The following COL5A2 variants were observed in gnomAD, a reference collection of about 807,000 sequenced individuals.
COL5A2 encodes collagen type V alpha 2 chain.
COL5A2 carries 23 observed loss-of-function variants against 208.2 expected under a neutral mutation model. That is an observed-to-expected ratio of 0.11 (90% confidence interval 0.08 to 0.16). The LOEUF (loss-of-function observed/expected upper bound fraction) is 0.16. Ranked by LOEUF, COL5A2 falls within the 10% of genes least tolerant of loss-of-function variation. The pLI is 1.00. For missense variants in COL5A2, 1,590 were observed against 1,956.4 expected, an observed-to-expected ratio of 0.81 and a Z score of 3.53; for synonymous variants, 625 against 628.5, an observed-to-expected ratio of 0.99 and a Z score of 0.08.
chr2:189,167,869 C>A (rs1688497128), intron 1 of COL5A2, among the ~76,000 whole-genome samples: 1 of 152,008 alleles, frequency 6.6e-6, no homozygotes, highest in Non-Finnish European at 1.5e-5. Context: ...GGCTTGAACA[C>A]CAGCTCCCTG....
At chr2:189,284,069 A>G in the COL5A2 span, among the ~76,000 whole-genome samples, 8 of 152,184 alleles carry the variant, frequency 5.3e-5, no homozygotes, top group African/African-American at 1.9e-4. Context: ...ATATTTATTG[A>G]TATTTATATG....
chr2:189,295,363 G>C, the COL5A2 span, among the ~76,000 whole-genome samples: 4 of 152,190 alleles, frequency 2.6e-5, no homozygotes, highest in African/African-American at 9.7e-5. Flanking sequence ...CAGCACTTTG[G>C]GAGGCCAAGG....
At chr2:189,427,921 A>T in the COL5A2 span, among the ~76,000 whole-genome samples, 1 of 152,154 alleles carries the variant, frequency 6.6e-6, no homozygotes. Context: ...AATTTCTTAC[A>T]TTTGGAATGA....
In COL5A2 at chr2:189,036,686, G is replaced by T. The variant is rs1685450228; in HGVS notation, c.4043C>A (p.Thr1348Asn). ...GTCAGGAGATTTACTGGCCCACCAG[G>T]TTTTACGTGGTACACTGGATGGGTT... ...SANPSSVPRKTWWASKSPDNK... is the reference protein window; with the variant it reads ...SANPSSVPRKNWWASKSPDNK... The change falls in exon 52 of 54, where the codon ACC becomes AAC. Residue 1348 changes from threonine to asparagine, a missense_variant. Transcript: ENST00000374866. 6.2e-7 allele frequency: 1 copy of T among 1,613,782 alleles called. No homozygotes were observed. Among genetic ancestry groups the T allele is most frequent in the East Asian group, 2.2e-5 (1 of 44,856 alleles).
At chr2:189,075,002 C>A (rs1267926788) in intron 17 of COL5A2, among the ~76,000 whole-genome samples, 4 of 152,122 alleles carry the variant, frequency 2.6e-5, no homozygotes, top group Non-Finnish European at 5.9e-5. Flanking sequence ...GTAAGTATAA[C>A]CCTTCATGAT....
chr2:189,305,762 C>G, the COL5A2 span, among the ~76,000 whole-genome samples: 1 of 145,680 alleles, frequency 6.9e-6, no homozygotes, highest in Non-Finnish European at 1.5e-5. Flanking sequence ...TAATTGGCGA[C>G]AAGTTGATTA....
intron 44 of COL5A2, among the ~76,000 whole-genome samples, 155 bp from the exon 45 acceptor site, chr2:189,048,417 C>T (rs553474025): frequency 6.6e-6 from 1 of 152,316 alleles, no homozygotes; most frequent in African/African-American, 2.4e-5. Context: ...GTTTCTACCT[C>T]TTTTTCATTA....
intron 6 of COL5A2, chr2:189,095,080 T>C (rs1420246034): frequency 6.6e-6 from 1 of 150,924 alleles, no homozygotes; most frequent in African/African-American, 2.4e-5. Context: ...AACATATCAA[T>C]AGTGTTAACA....
chr2:189,416,765 T>C, the COL5A2 span, among the ~76,000 whole-genome samples: 1 of 152,246 alleles, frequency 6.6e-6, no homozygotes, highest in African/African-American at 2.4e-5. Context: ...TATTTTTTCC[T>C]GACTTTATTT....
At chr2:189,172,968 C>CTT (rs11286911) in intron 1 of COL5A2, among the ~76,000 whole-genome samples, 1,943 of 96,460 alleles carry the variant, frequency 0.02, 79 homozygotes, top group South Asian at 0.047. Context: ...TTTTCCTCTT[C>CTT]TTTTTTTTTT....
the COL5A2 span, among the ~76,000 whole-genome samples, chr2:189,322,859 G>A: frequency 1.3e-5 from 2 of 152,166 alleles, no homozygotes; most frequent in Non-Finnish European, 2.9e-5. Flanking sequence ...AAGCCTGGCA[G>A]AGGCACAACA....
At chr2:189,243,298 C>T in the COL5A2 span, among the ~76,000 whole-genome samples, 1 of 152,068 alleles carries the variant, frequency 6.6e-6, no homozygotes, top group Admixed American at 6.6e-5. Flanking sequence ...TAACACTGAA[C>T]TATGGAATTT....
At chr2:189,353,940 C>A in the COL5A2 span, among the ~76,000 whole-genome samples, 1 of 151,456 alleles carries the variant, frequency 6.6e-6, no homozygotes, top group African/African-American at 2.4e-5. Context: ...ATAAATAGCT[C>A]TATTTTGAGA....
At chr2:189,187,666 C>T (rs188446863) in intron 1 of COL5A2, among the ~76,000 whole-genome samples, 48 of 152,210 alleles carry the variant, frequency 3.2e-4, no homozygotes, top group Admixed American at 2.7e-3. Context: ...TATAATGTGT[C>T]ATTAGTTTAA....
intron 50 of COL5A2, 24 bp downstream of exon 50, chr2:189,041,562 G>T: frequency 1.3e-6 from 2 of 1,512,236 alleles, no homozygotes; most frequent in Non-Finnish European, 1.8e-6. Flanking sequence ...AGCATTTCTT[G>T]CATGTAAACC....
chr2:189,218,410 G>A (rs889334879), intron 1 of COL5A2, among the ~76,000 whole-genome samples: 8 of 152,124 alleles, frequency 5.3e-5, no homozygotes, highest in Admixed American at 3.3e-4. Context: ...TACAAACTGG[G>A]AAACACAAAC....
intron 1 of COL5A2, among the ~76,000 whole-genome samples, chr2:189,195,841 A>G (rs1471144526): frequency 6.6e-6 from 1 of 152,210 alleles, no homozygotes; most frequent in Non-Finnish European, 1.5e-5. Context: ...TAAAACCCAA[A>G]ACCATAAAAT....
chr2:189,340,680 G>T, the COL5A2 span, among the ~76,000 whole-genome samples: 2 of 152,174 alleles, frequency 1.3e-5, no homozygotes, highest in African/African-American at 4.8e-5. Context: ...TAAGGGGATT[G>T]AATAGTTTTC....
intron 1 of COL5A2, among the ~76,000 whole-genome samples, chr2:189,194,616 T>C (rs1688974567): frequency 6.6e-6 from 1 of 152,160 alleles, no homozygotes; most frequent in South Asian, 2.1e-4. Context: ...TCTTAAGCTG[T>C]GCCCTAATTT....
Sources: gnomAD v4.1 joint callset for allele counts (sites outside exome capture counted in the v4.1 genomes callset) on GRCh38, gnomAD v4.1.1 for gene constraint, MANE v1.5 for transcripts, NCBI Gene and HGNC (gene_info 2026-07-23, HGNC 2026-07-21) for gene names.